USH2A: variants seen among roughly 807,000 people sequenced by gnomAD.
USH2A encodes usherin, also known as Usher syndrome 2A (autosomal recessive, mild).
USH2A carries 443 observed loss-of-function variants against 538.9 expected under a neutral mutation model. That is an observed-to-expected ratio of 0.82 (90% confidence interval 0.76 to 0.89). The LOEUF (loss-of-function observed/expected upper bound fraction) is 0.89. USH2A is among the 40% of genes least tolerant of loss of function. USH2A has a pLI of 0.00. For missense variants in USH2A, 6,633 were observed against 6,324.8 expected (o/e 1.05, Z -1.65); for synonymous variants, 2,413 against 2,273.5 (o/e 1.06, Z -1.75).
intron 61 of USH2A, among the ~76,000 whole-genome samples, chr1:215,716,683 T>TA (rs1659498091): frequency 6.6e-6 from 1 of 152,232 alleles, no homozygotes; most frequent in Non-Finnish European, 1.5e-5. Flanking sequence ...TTGAATGGAT[T>TA]AAAATTCTCT....
At chr1:216,168,583 C>A (rs2034215306) in intron 21 of USH2A, among the ~76,000 whole-genome samples, 1 of 152,100 alleles carries the variant, frequency 6.6e-6, no homozygotes, top group African/African-American at 2.4e-5. Flanking sequence ...AATAGACCCC[C>A]TTCTTGCCTG....
At chr1:215,681,549 G>A (rs1658231962) in intron 61 of USH2A, among the ~76,000 whole-genome samples, 1 of 152,150 alleles carries the variant, frequency 6.6e-6, no homozygotes, top group Admixed American at 6.6e-5. Flanking sequence ...AGTAGTGAAA[G>A]TTATTTCTGA....
chr1:216,398,246 A>G (rs2039248814), intron 3 of USH2A, among the ~76,000 whole-genome samples: 1 of 152,204 alleles, frequency 6.6e-6, no homozygotes, highest in South Asian at 2.1e-4. Flanking sequence ...AGCCCTGAAC[A>G]TAACAAAACA....
rs143670362 is a variant in USH2A at position 216,270,277 on chromosome 1, TA to T, written c.1971+19002del. On this transcript the variant is annotated intron_variant, in intron 11 of 71. Coordinates refer to ENST00000307340, the MANE Select transcript of USH2A (RefSeq NM_206933.4). The stretch of plus-strand genomic sequence containing the variant: ...GATATTGCTAAACAAAGTAAAAATT[TA>T]AAAAGCAAATTGAAGAATGTAAGAA... 8.5e-3 allele frequency among the ~76,000 whole-genome samples: 1,289 copies of T among 152,240 alleles called. 17 individuals carry two copies. Among genetic ancestry groups the T allele is most frequent in the African/African-American group, 0.03 (1,237 of 41,558 alleles).
chr1:215,729,139 T>C (rs1432603691), intron 60 of USH2A, among the ~76,000 whole-genome samples: 1 of 152,150 alleles, frequency 6.6e-6, no homozygotes, highest in East Asian at 1.9e-4. Flanking sequence ...TGTTTGCACA[T>C]TGAGGATGAT....
chr1:215,655,724 T>TC (rs1657224785), intron 64 of USH2A, among the ~76,000 whole-genome samples: 1 of 139,156 alleles, frequency 7.2e-6, no homozygotes, highest in Non-Finnish European at 1.6e-5. Context: ...TGCTAGTTAT[T>TC]CTTTTTTTTT....
rs923721014 is a variant in USH2A at position 215,798,951 on chromosome 1, T to G, written c.9914A>C (p.Glu3305Ala). 4 of 1,613,886 alleles carry G rather than the reference T, an allele frequency of 2.5e-6. No homozygotes were observed. In the African/African-American group the frequency reaches 5.3e-5, roughly 22 times the overall value. Reference sequence around the variant, plus strand: ...CACTCCTTCTTCTCCACCACAACACTCTAAATCGTTGCTCACAATCTGTCT... The same window carrying G: ...CACTCCTTCTTCTCCACCACAACACGCTAAATCGTTGCTCACAATCTGTCT... ...CGRQIVSNDL[E>A]CCGGEEGVVY... Residue 3305 changes from glutamate (E) to alanine (A), a missense_variant, in exon 50 of 72, where the codon GAG becomes GCG. Physicochemically the swap from Glu to Ala is moderately radical, Grantham distance 107. Coordinates refer to ENST00000307340, the MANE Select transcript of USH2A (RefSeq NM_206933.4).
At chr1:215,970,510 T>C (rs1194408099) in intron 36 of USH2A, 115 bp downstream of exon 36, 6 of 1,316,878 alleles carry the variant, frequency 4.6e-6, no homozygotes, top group African/African-American at 1.5e-5. Flanking sequence ...AAATCTCCCA[T>C]CCTGCTTGAA....
intron 32 of USH2A, among the ~76,000 whole-genome samples, chr1:216,028,196 G>A (rs57854969): frequency 0.029 from 4,401 of 151,882 alleles, 206 homozygotes; most frequent in African/African-American, 0.1. Flanking sequence ...GAGACCAGCC[G>A]GGCTAACACG....
At position 215,743,215 on chromosome 1, in the gene USH2A, A is replaced by G. The variant is rs2102727401; in HGVS notation, c.11510T>C (p.Phe3837Ser). 1 of 1,612,362 alleles carries G rather than the reference A, an allele frequency of 6.2e-7. No homozygotes were observed. Among genetic ancestry groups the G allele is most frequent in the Admixed American group, 1.7e-5 (1 of 59,838 alleles). The change falls in exon 59 of 72, where the codon TTC (phenylalanine) becomes TCC (serine). Residue 3837 changes from phenylalanine to serine, a missense_variant. Phe to Ser is a radical substitution (Grantham distance 155, BLOSUM62 -2). Transcript: ENST00000307340. ...QSTLLENLTP[F>S]TQYEIRIQAC... Reference sequence around the variant, plus strand: ...TTGTATCCTTATCTCATACTGTGTGAATGGAGTCAAATTTTCCAGAAGGGT... The same window carrying G: ...TTGTATCCTTATCTCATACTGTGTGGATGGAGTCAAATTTTCCAGAAGGGT...
At chr1:216,013,282 C>T (rs200181244) in intron 32 of USH2A, among the ~76,000 whole-genome samples, 83,631 of 141,566 alleles carry the variant, frequency 0.59, 25,321 homozygotes, top group East Asian at 0.73. Flanking sequence ...TACCACAAGA[C>T]CTCCCTTCAG....
intron 23 of USH2A, 67 bp downstream of exon 23, chr1:216,088,946 A>G (rs1413729977): frequency 1.9e-6 from 3 of 1,598,526 alleles, no homozygotes; most frequent in Non-Finnish European, 2.6e-6. Context: ...AGGAATATAA[A>G]CAACAGAAAA....
At chr1:215,919,814 T>C (rs1471466219) in intron 38 of USH2A, among the ~76,000 whole-genome samples, 1 of 152,094 alleles carries the variant, frequency 6.6e-6, no homozygotes, top group African/African-American at 2.4e-5. Flanking sequence ...GGTTTAATTT[T>C]TTCTGAGACG....
At chr1:215,887,769 C>G (rs1665102324) in intron 41 of USH2A, among the ~76,000 whole-genome samples, 1 of 152,186 alleles carries the variant, frequency 6.6e-6, no homozygotes. Context: ...GAGCAAGCTA[C>G]TGTACCAATG....
intron 37 of USH2A, among the ~76,000 whole-genome samples, chr1:215,955,547 G>T (rs917207756): frequency 8.5e-5 from 13 of 152,082 alleles, no homozygotes; most frequent in Admixed American, 3.9e-4. Flanking sequence ...TATGATTTTT[G>T]ATTTCTGCTT....
rs142623270 is a variant in USH2A, at chr1:215,882,123, T to C, written c.8224-3025A>G. 5.9e-3 allele frequency among the ~76,000 whole-genome samples: 894 copies of C among 152,322 alleles called. 9 individuals are homozygous for C. Among genetic ancestry groups the C allele is most frequent in the African/African-American group, 0.021 (862 of 41,578 alleles). ...ATAAGAGCATTTATAAAGATTGATA[T>C]ATGGGTTAAGAATGGACTAAGAGAT... On this transcript the variant is annotated intron_variant, in intron 41 of 71. Transcript: ENST00000307340.
At chr1:215,924,737 C>A (rs1158457767) in intron 38 of USH2A, among the ~76,000 whole-genome samples, 3 of 151,650 alleles carry the variant, frequency 2.0e-5, no homozygotes, top group Non-Finnish European at 4.4e-5. Context: ...ACAATATTTC[C>A]CACCCCTCTC....
chr1:216,230,062 A>G (rs1233364596), intron 14 of USH2A, among the ~76,000 whole-genome samples: 1 of 152,162 alleles, frequency 6.6e-6, no homozygotes, highest in African/African-American at 2.4e-5. Flanking sequence ...GATGAGTAGA[A>G]CAAAAATGGG....
At chr1:216,285,582 T>C (rs1282695258) in intron 11 of USH2A, among the ~76,000 whole-genome samples, 2 of 152,202 alleles carry the variant, frequency 1.3e-5, no homozygotes, top group African/African-American at 4.8e-5. Context: ...GGGTACTGCC[T>C]GGTGAATCTG....
Sources: gnomAD v4.1 joint callset for allele counts (sites outside exome capture counted in the v4.1 genomes callset) on GRCh38, gnomAD v4.1.1 for gene constraint, MANE v1.5 for transcripts, NCBI Gene and HGNC (gene_info 2026-07-23, HGNC 2026-07-21) for gene names.